RAB3B: variants seen among roughly 807,000 people sequenced by gnomAD.
RAB3B encodes RAB3B, member RAS oncogene family.
Under a neutral mutation model 20.5 loss-of-function variants are expected in RAB3B, and 11 were observed. The ratio of observed to expected loss-of-function variants is 0.54; its 90% CI spans 0.34 to 0.89. The LOEUF (loss-of-function observed/expected upper bound fraction) is 0.89, where lower values mean the gene tolerates loss of function less well. RAB3B is among the 40% of genes least tolerant of loss of function. The probability of loss-of-function intolerance (pLI) is 0.02; values close to 1 mark genes in which losing one functional copy is unlikely to be tolerated. For synonymous variants in RAB3B, 99 were observed against 106.3 expected (o/e 0.93, Z 0.42); for missense variants, 225 against 280.9 (o/e 0.80, Z 1.42).
chr1:51,977,214 C>T (rs767866026), intron 1 of RAB3B, 97 bp from the exon 2 acceptor site: 15 of 854,950 alleles, frequency 1.8e-5, no homozygotes, highest in African/African-American at 5.0e-5. Context: ...CACACTCACT[C>T]CTTACTCCAG....
intron 2 of RAB3B, among the ~76,000 whole-genome samples, chr1:51,960,736 T>C (rs1354142425): frequency 2.0e-5 from 3 of 151,790 alleles, no homozygotes; most frequent in African/African-American, 7.3e-5. Flanking sequence ...AAAATGGGAG[T>C]AAAAGGGCCA....
At chr1:51,948,549 T>C (rs1684593212) in intron 2 of RAB3B, among the ~76,000 whole-genome samples, 1 of 152,220 alleles carries the variant, frequency 6.6e-6, no homozygotes, top group African/African-American at 2.4e-5. Context: ...GCTTAAAGTC[T>C]ACAGTGTCTG....
rs1485497765 is a variant in RAB3B, at chr1:51,912,586, TATATATATATATATAA to T, written c.*7325_*7340del. The T allele has an allele frequency of 2.5e-3, 215 of 87,178 alleles. 65 individuals carry two copies. Among genetic ancestry groups the T allele is most frequent in the South Asian group, 0.019 (39 of 2,032 alleles). 5.4% of individuals were successfully genotyped at this position (87,178 alleles called of 1,614,324 possible). A position where few individuals can be genotyped will look rare whatever the true frequency, so the allele number is the denominator to read the frequency against. ...ATATATATATATATATATATATATA[TATATATATATATATAA>T]AAAATGTTACTCCTGTGAGACAGAA... On this transcript the variant is annotated 3_prime_UTR_variant, in exon 5 of 5. Coordinates refer to ENST00000371655, the MANE Select transcript of RAB3B (RefSeq NM_002867.4).
intron 2 of RAB3B, among the ~76,000 whole-genome samples, chr1:51,938,235 G>A (rs541606178): frequency 1.2e-3 from 182 of 152,164 alleles, no homozygotes; most frequent in African/African-American, 4.2e-3. Flanking sequence ...CATCTTGCTT[G>A]TGGGAGTGGA....
chr1:51,965,668 T>G (rs1232760891), intron 2 of RAB3B, among the ~76,000 whole-genome samples: 1 of 151,962 alleles, frequency 6.6e-6, no homozygotes, highest in African/African-American at 2.4e-5. Flanking sequence ...AAAGGTGAAT[T>G]TTATGGTATA....
intron 1 of RAB3B, among the ~76,000 whole-genome samples, chr1:51,978,131 C>T (rs1480965807): frequency 6.6e-6 from 1 of 152,224 alleles, no homozygotes; most frequent in African/African-American, 2.4e-5. Context: ...AACACTGTAA[C>T]AGCCCTTGTA....
chr1:51,962,234 C>T (rs1684793495), intron 2 of RAB3B, among the ~76,000 whole-genome samples: 1 of 152,202 alleles, frequency 6.6e-6, no homozygotes, highest in African/African-American at 2.4e-5. Context: ...GAAATCAGTT[C>T]ATAAAAGCAC....
chr1:51,970,755 C>A (rs1007893507), intron 2 of RAB3B, among the ~76,000 whole-genome samples: 4 of 151,652 alleles, frequency 2.6e-5, no homozygotes, highest in Non-Finnish European at 5.9e-5. Flanking sequence ...CCTATAATCC[C>A]AGCACTTTGG....
chr1:51,923,170 G>T (rs1345028354), intron 4 of RAB3B, among the ~76,000 whole-genome samples: 1 of 152,200 alleles, frequency 6.6e-6, no homozygotes, highest in East Asian at 1.9e-4. Context: ...CCATGTGAGT[G>T]GGGTGGGGCA....
intron 2 of RAB3B, among the ~76,000 whole-genome samples, chr1:51,948,228 G>A (rs1044120028): frequency 5.3e-5 from 8 of 152,056 alleles, no homozygotes; most frequent in African/African-American, 7.2e-5. Context: ...TCATGAAAAC[G>A]GGCTTAAATA....
rs556852299 is a variant in RAB3B at position 51,965,576 on chromosome 1, A to G, written c.228+11314T>C. Among the ~76,000 whole-genome samples, 19 of 150,770 alleles carry G rather than the reference A, an allele frequency of 1.3e-4. No individual in the cohort carries two copies. In the East Asian group the frequency reaches 3.8e-3, roughly 30 times the overall value. On this transcript the variant is annotated intron_variant, in intron 2 of 4. Coordinates refer to ENST00000371655, the MANE Select transcript of RAB3B (RefSeq NM_002867.4). ...GCAGGAGAATCGCTTGAACCCGGGA[A>G]GCGGAGGTTGCAGTGAGCCGAGAAT...
At chr1:51,941,758 A>G (rs4503295) in intron 2 of RAB3B, among the ~76,000 whole-genome samples, 128,872 of 152,170 alleles carry the variant, frequency 0.85, 55,316 homozygotes, top group East Asian at 1. Flanking sequence ...CAATGTCTTT[A>G]AGCATCTTAC....
At chr1:51,951,403 T>C (rs956500017) in intron 2 of RAB3B, among the ~76,000 whole-genome samples, 141 of 152,174 alleles carry the variant, frequency 9.3e-4, no homozygotes, top group African/African-American at 3.1e-3. Context: ...ACTCAGTGAC[T>C]TTCCCAAGGC....
At chr1:51,924,174 G>T (rs915271940) in intron 4 of RAB3B, among the ~76,000 whole-genome samples, 5 of 152,202 alleles carry the variant, frequency 3.3e-5, no homozygotes, top group Admixed American at 2.0e-4. Flanking sequence ...GGTCATGAAA[G>T]CTCAGCTCAA....
rs1388147535 is a variant in RAB3B, at chr1:51,914,700, G to GA, written c.*5226dup. ...TACTTCCAGCCACAGGATGCTACTT[G>GA]ATTCCCCAACTATGGCAGGTAATTG... On this transcript the variant is annotated 3_prime_UTR_variant, in exon 5 of 5. Coordinates refer to ENST00000371655, the MANE Select transcript of RAB3B (RefSeq NM_002867.4). The GA allele has an allele frequency of 6.6e-6, 1 of 152,136 alleles. No homozygotes were observed. The highest frequency in any genetic ancestry group is 1.5e-5 in the Non-Finnish European group (1 of 68,018). The allele number at this position is 152,136 out of a possible 1,614,324, so 9.4% of individuals were successfully genotyped here. A position where few individuals can be genotyped will look rare whatever the true frequency, so the allele number is the denominator to read the frequency against.
At chr1:51,942,178 C>T (rs1005936201) in intron 2 of RAB3B, among the ~76,000 whole-genome samples, 2 of 152,216 alleles carry the variant, frequency 1.3e-5, no homozygotes, top group African/African-American at 4.8e-5. Flanking sequence ...GAAGCCCAGG[C>T]AGGATTTCTG....
intron 4 of RAB3B, among the ~76,000 whole-genome samples, chr1:51,928,207 G>A (rs1452303750): frequency 1.3e-5 from 2 of 152,076 alleles, no homozygotes; most frequent in South Asian, 2.1e-4. Flanking sequence ...CCCCGGTTCA[G>A]GCGATTCTCC....
chr1:51,974,389 G>C (rs1045975699), intron 2 of RAB3B, among the ~76,000 whole-genome samples: 3 of 152,162 alleles, frequency 2.0e-5, no homozygotes, highest in Non-Finnish European at 4.4e-5. Context: ...TCACCCACCA[G>C]AGTTTCTGAC....
chr1:51,935,001 C>T (rs981555384), intron 3 of RAB3B, among the ~76,000 whole-genome samples: 9 of 152,088 alleles, frequency 5.9e-5, no homozygotes, highest in Non-Finnish European at 1.3e-4. Context: ...GCACGTTCAC[C>T]ATGACACCTA....
Sources: allele counts gnomAD v4.1 joint callset (sites outside exome capture counted in the v4.1 genomes callset), GRCh38; gene constraint gnomAD v4.1.1; transcripts MANE v1.5; gene names NCBI Gene and HGNC (gene_info 2026-07-23, HGNC 2026-07-21).